The following NLGN1 variants were observed in gnomAD, a reference collection of about 807,000 sequenced individuals.
The protein encoded by NLGN1 is neuroligin-1.
A neutral mutation model predicts 65.5 loss-of-function variants in NLGN1; 12 were observed. That is an observed-to-expected ratio of 0.18 (90% CI 0.12 to 0.30). The LOEUF is 0.30. NLGN1 is among the 10% of genes least tolerant of loss of function. The probability of loss-of-function intolerance (pLI) is 1.00; values close to 1 mark genes in which losing one functional copy is unlikely to be tolerated. For missense variants in NLGN1, 750 were observed against 1,007.1 expected (o/e 0.74, Z 3.46); for synonymous variants, 350 against 359.5 (o/e 0.97, Z 0.30).
intron 4 of NLGN1, among the ~76,000 whole-genome samples, chr3:174,041,606 T>C (rs1298790515): frequency 2.0e-5 from 3 of 152,160 alleles, no homozygotes; most frequent in Admixed American, 2.0e-4. Context: ...TACCAAAATT[T>C]GGTGTGGTCA....
chr3:173,955,219 G>T (rs1579396673), intron 4 of NLGN1, among the ~76,000 whole-genome samples: 1 of 151,984 alleles, frequency 6.6e-6, no homozygotes, highest in Non-Finnish European at 1.5e-5. Flanking sequence ...TTCATCCTTG[G>T]CTCATAGGCC....
intron 3 of NLGN1, among the ~76,000 whole-genome samples, chr3:173,723,936 A>G (rs1771308155): frequency 6.6e-6 from 1 of 152,218 alleles, no homozygotes; most frequent in African/African-American, 2.4e-5. Context: ...TCTTTTGAAG[A>G]TAGAAATGAC....
chr3:173,418,929 T>TA (rs1392420480), intron 1 of NLGN1, among the ~76,000 whole-genome samples: 4 of 151,214 alleles, frequency 2.6e-5, no homozygotes, highest in African/African-American at 9.7e-5. Flanking sequence ...TGGCTTTGAA[T>TA]GTGGCCCATC....
chr3:173,649,708 G>A (rs1265561401), intron 3 of NLGN1, among the ~76,000 whole-genome samples: 1 of 152,034 alleles, frequency 6.6e-6, no homozygotes, highest in East Asian at 1.9e-4. Context: ...GAAAGAGAGA[G>A]AAAGTTGGTT....
At chr3:173,596,391 G>A (rs1489079956) in intron 2 of NLGN1, among the ~76,000 whole-genome samples, 1 of 152,204 alleles carries the variant, frequency 6.6e-6, no homozygotes, top group Non-Finnish European at 1.5e-5. Context: ...TTTAGAGAGT[G>A]TTAATTCTTC....
At chr3:173,605,959 T>C (rs1190251359) in intron 3 of NLGN1, among the ~76,000 whole-genome samples, 2 of 152,100 alleles carry the variant, frequency 1.3e-5, no homozygotes. Flanking sequence ...TCTACAGATA[T>C]ATATTTGTGT....
intron 4 of NLGN1, among the ~76,000 whole-genome samples, chr3:173,927,313 TG>T (rs1271131716): frequency 2.0e-5 from 3 of 152,160 alleles, no homozygotes. Context: ...CCATCCACCT[TG>T]GCCTCCCAAA....
chr3:173,499,389 G>A (rs1328263986), intron 2 of NLGN1, among the ~76,000 whole-genome samples: 2 of 151,664 alleles, frequency 1.3e-5, no homozygotes, highest in African/African-American at 2.4e-5. Context: ...ATTTCTGAGA[G>A]CTCTGTTCTG....
intron 1 of NLGN1, among the ~76,000 whole-genome samples, chr3:173,398,867 AG>A (rs1353122586): frequency 1.3e-5 from 2 of 152,216 alleles, no homozygotes; most frequent in African/African-American, 4.8e-5. Context: ...TGAAAATTAC[AG>A]GGTCTTAATG....
Position 174,280,748 on chromosome 3 carries a change from G to C in NLGN1, c.1917G>C (p.Thr639=). The C allele has an allele frequency of 3.7e-6, 6 of 1,613,200 alleles. No homozygotes were observed. Among genetic ancestry groups the C allele is most frequent in the Non-Finnish European group, 5.1e-6 (6 of 1,179,516 alleles). The change falls in exon 7 of 7, where the codon ACG becomes ACC. Residue 639 remains threonine, a synonymous_variant. Transcript: ENST00000457714. The surrounding 1 kb of genome is among the most constrained non-coding windows in gnomAD (Gnocchi z 4.9). ...CAACTGACATCACTTTCAGACCTAC[G>C]AGAAAAAATTCTGTACCTGTCACGT...
At chr3:173,902,751 A>T (rs1363349391) in intron 4 of NLGN1, among the ~76,000 whole-genome samples, 2 of 152,118 alleles carry the variant, frequency 1.3e-5, no homozygotes, top group Non-Finnish European at 2.9e-5. Context: ...GAACATGATT[A>T]TAATTAGATG....
At chr3:173,709,803 C>CAAAAAAAAAA (rs59998502) in intron 3 of NLGN1, among the ~76,000 whole-genome samples, 1 of 69,258 alleles carries the variant, frequency 1.4e-5, no homozygotes, top group African/African-American at 5.6e-5. Flanking sequence ...AACTCTATCT[C>CAAAAAAAAAA]AAAAAAAAAA....
intron 2 of NLGN1, among the ~76,000 whole-genome samples, chr3:173,593,575 T>C (rs866957434): frequency 3.3e-5 from 5 of 152,164 alleles, no homozygotes; most frequent in African/African-American, 9.7e-5. Context: ...GGAAGTCTTA[T>C]TGACTTTTGA....
intron 4 of NLGN1, among the ~76,000 whole-genome samples, chr3:173,987,066 T>G (rs934792003): frequency 5.9e-5 from 9 of 152,198 alleles, no homozygotes; most frequent in African/African-American, 2.2e-4. Context: ...CCCTGTAAGC[T>G]TGACCAGGCA....
At chr3:174,126,778 C>A (rs1230479604) in intron 4 of NLGN1, among the ~76,000 whole-genome samples, 1 of 152,074 alleles carries the variant, frequency 6.6e-6, no homozygotes, top group Non-Finnish European at 1.5e-5. Context: ...GCTGCCTTTT[C>A]CATGTACCTA....
chr3:173,531,319 T>G (rs1424999309), intron 2 of NLGN1, among the ~76,000 whole-genome samples: 1 of 152,134 alleles, frequency 6.6e-6, no homozygotes, highest in Non-Finnish European at 1.5e-5. Context: ...AAAAATAGTG[T>G]ATAAGCAAAA....
intron 3 of NLGN1, among the ~76,000 whole-genome samples, chr3:173,665,153 T>C (rs1761520329): frequency 6.6e-6 from 1 of 152,148 alleles, no homozygotes; most frequent in South Asian, 2.1e-4. Flanking sequence ...ATTAGAATTA[T>C]AATCCCCATG....
At chr3:173,773,621 A>C (rs73180682) in intron 3 of NLGN1, among the ~76,000 whole-genome samples, 2,803 of 152,332 alleles carry the variant, frequency 0.018, 44 homozygotes, top group Non-Finnish European at 0.029. Context: ...TTTATTGAAT[A>C]ATAATTAAAT....
intron 3 of NLGN1, among the ~76,000 whole-genome samples, chr3:173,658,348 G>A (rs1467191581): frequency 6.6e-6 from 1 of 151,884 alleles, no homozygotes; most frequent in Non-Finnish European, 1.5e-5. Flanking sequence ...TGCTTTACAG[G>A]AGAGAGAAAT....
Sources: gnomAD v4.1 joint callset for allele counts (sites outside exome capture counted in the v4.1 genomes callset) on GRCh38, gnomAD v4.1.1 for gene constraint, Gnocchi (gnomAD v3.1) non-coding constraint, MANE v1.5 for transcripts, NCBI Gene and HGNC (gene_info 2026-07-23, HGNC 2026-07-21) for gene names.